The following PCM1 variants were observed in gnomAD, a reference collection of about 807,000 sequenced individuals.
PCM1 encodes the protein pericentriolar material 1 protein.
In PCM1, 157 loss-of-function variants were observed where a neutral mutation model predicts 241.9. The ratio of observed to expected loss-of-function variants is 0.65; its 90% CI spans 0.57 to 0.74. PCM1 has a LOEUF of 0.74. Ranked by LOEUF, PCM1 falls within the 30% of genes least tolerant of loss-of-function variation. The pLI, the probability that PCM1 is intolerant of heterozygous loss-of-function variation, is 0.00. For missense variants in PCM1, 3,478 were observed against 2,360.1 expected, an observed-to-expected ratio of 1.47 and a Z score of -9.81; for synonymous variants, 1,085 against 784.9, an observed-to-expected ratio of 1.38 and a Z score of -6.39.
At chr8:17,968,177 C>A (rs894713480) in intron 21 of PCM1, among the ~76,000 whole-genome samples, 4 of 151,976 alleles carry the variant, frequency 2.6e-5, no homozygotes, top group Non-Finnish European at 5.9e-5. Flanking sequence ...TGAAATAGTA[C>A]ATCACTCAGG....
Position 17,985,436 on chromosome 8 carries a change from A to G in PCM1, c.4109-11A>G. On this transcript the variant is annotated splice_polypyrimidine_tract_variant and intron_variant, in intron 24 of 38. Coordinates refer to ENST00000325083, the MANE Select transcript of PCM1 (RefSeq NM_006197.4). The stretch of plus-strand genomic sequence containing the variant: ...ATCAATATTAACTTTCTGGTCTTTT[A>G]TGTATTCCAGAAACTGGGAGTGATT... The G allele has an allele frequency of 6.5e-7, 1 of 1,539,942 alleles. No individual in the cohort carries two copies. The highest frequency in any genetic ancestry group is 8.8e-7 in the Non-Finnish European group (1 of 1,139,750).
At chr8:17,960,234 G>A in intron 14 of PCM1, 69 bp downstream of exon 14, 1 of 1,555,174 alleles carries the variant, frequency 6.4e-7, no homozygotes, top group Non-Finnish European at 8.8e-7. Context: ...AAGGTGCTCA[G>A]CTAGGTACTG....
At chr8:17,928,250 G>A (rs933450214) in intron 2 of PCM1, among the ~76,000 whole-genome samples, 1 of 152,172 alleles carries the variant, frequency 6.6e-6, no homozygotes, top group Non-Finnish European at 1.5e-5. Context: ...AAAAATATCT[G>A]TAGTATGTGT....
intron 6 of PCM1, among the ~76,000 whole-genome samples, chr8:17,946,283 G>C (rs370100763): frequency 6.6e-6 from 1 of 151,978 alleles, no homozygotes; most frequent in African/African-American, 2.4e-5. Context: ...TAATTTAAGA[G>C]GAAAATAATG....
intron 7 of PCM1, among the ~76,000 whole-genome samples, chr8:17,948,960 T>C (rs937957620): frequency 1.3e-5 from 2 of 152,196 alleles, no homozygotes; most frequent in Non-Finnish European, 2.9e-5. Flanking sequence ...GAAGGAACTC[T>C]ACAGAGTTTG....
At chr8:17,948,848 C>T (rs2064902783) in intron 7 of PCM1, among the ~76,000 whole-genome samples, 1 of 152,092 alleles carries the variant, frequency 6.6e-6, no homozygotes, top group African/African-American at 2.4e-5. Flanking sequence ...TAAAAGCTTT[C>T]CTTTGGTAGT....
At chr8:17,985,070 A>C (rs1564168995) in intron 24 of PCM1, among the ~76,000 whole-genome samples, 1 of 151,952 alleles carries the variant, frequency 6.6e-6, no homozygotes, top group Non-Finnish European at 1.5e-5. Flanking sequence ...AATGAAGTCC[A>C]TATTAGCAAA....
At chr8:17,928,618 T>TA (rs1563585194) in intron 2 of PCM1, among the ~76,000 whole-genome samples, 2 of 26,210 alleles carry the variant, frequency 7.6e-5, no homozygotes, top group African/African-American at 4.0e-4. Flanking sequence ...ATCTCCCTCT[T>TA]TTTTTTTTTT....
At chr8:17,931,171 CTTATT>C (rs903316102) in intron 2 of PCM1, among the ~76,000 whole-genome samples, 1 of 152,084 alleles carries the variant, frequency 6.6e-6, no homozygotes. Flanking sequence ...GTTTTAGAAA[CTTATT>C]TTAGTAGTGT....
intron 6 of PCM1, chr8:17,940,097 G>A (rs2061581681): frequency 6.3e-7 from 1 of 1,580,444 alleles, no homozygotes; most frequent in African/African-American, 1.3e-5. Flanking sequence ...GTGGGATCTG[G>A]TTCTGTAGCT....
rs1369193865 is a variant in PCM1 at position 18,002,063 on chromosome 8, T to C, written c.4828-4200T>C. Among the ~76,000 whole-genome samples the C allele has an allele frequency of 6.2e-5, 2 of 32,262 alleles. 1 individual carries two copies. The highest frequency in any genetic ancestry group is 5.5e-4 in the African/African-American group (2 of 3,634). The allele number at this position is 32,262 out of a possible 152,430, so 21.2% of individuals were successfully genotyped here. ...GGAGAGATCTGTTAAATTTTTTTTTTCTTTTTTTTTTTTTCTTTTTTTTAT... is the reference window on the plus strand; with the variant it reads ...GGAGAGATCTGTTAAATTTTTTTTTCCTTTTTTTTTTTTTCTTTTTTTTAT... On this transcript the variant is annotated intron_variant, in intron 29 of 38. Transcript: ENST00000325083.
intron 29 of PCM1, 80 bp from the exon 30 acceptor site, chr8:18,006,183 C>T: frequency 2.7e-6 from 3 of 1,100,126 alleles, no homozygotes; most frequent in Non-Finnish European, 3.7e-6. Context: ...TAAAAATTAA[C>T]ATTTTGTATT....
chr8:17,973,818 G>T (rs924236337), intron 23 of PCM1, among the ~76,000 whole-genome samples: 3 of 152,078 alleles, frequency 2.0e-5, no homozygotes, highest in African/African-American at 7.2e-5. Context: ...TTTCTTGGAA[G>T]TTCACAACAC....
At chr8:17,990,510 A>G (rs1374867738) in intron 27 of PCM1, among the ~76,000 whole-genome samples, 1 of 145,502 alleles carries the variant, frequency 6.9e-6, no homozygotes, top group Non-Finnish European at 1.5e-5. Context: ...CCCCTCTCCC[A>G]TCAGCTGTAA....
Position 17,963,197 on chromosome 8 carries a change from C to A in PCM1, c.2560C>A (p.Gln854Lys). The A allele has an allele frequency of 6.2e-7, 1 of 1,613,436 alleles. No homozygotes were observed. The highest frequency in any genetic ancestry group is 8.5e-7 in the Non-Finnish European group (1 of 1,179,496). The change falls in exon 17 of 39, where the codon CAA becomes AAA. Residue 854 changes from glutamine to lysine, a missense_variant. Gln to Lys is a moderately conservative substitution (Grantham distance 53). Coordinates refer to ENST00000325083, the MANE Select transcript of PCM1 (RefSeq NM_006197.4). ...TCTGATGGCTGAACATCAGAGGAGG[C>A]AAGGTCTAGCTGAAACTGCATCTCC... ...EALMAEHQRR[Q>K]GLAETASPVA...
chr8:17,963,477 G>A (rs531830781), intron 17 of PCM1, among the ~76,000 whole-genome samples, 186 bp downstream of exon 17: 18 of 152,230 alleles, frequency 1.2e-4, no homozygotes, highest in East Asian at 9.6e-4. Flanking sequence ...CTGACTTCTC[G>A]TAGCATCAGC....
At position 17,972,545 on chromosome 8, in the gene PCM1, A is replaced by G. The variant is rs1465906412; in HGVS notation, c.3801A>G (p.Pro1267=). 8 of 1,613,888 alleles carry G rather than the reference A, an allele frequency of 5.0e-6. No homozygotes were observed. In the South Asian group the frequency reaches 8.8e-5, roughly 18 times the overall value. ...SLESFSSMPD[P]VDPTTVTKTF... ...AAAGCTTTAGCAGTATGCCTGATCCAGTAGATCCAACAACAGTGACTAAAA... is the reference window on the plus strand; with the variant it reads ...AAAGCTTTAGCAGTATGCCTGATCCGGTAGATCCAACAACAGTGACTAAAA... Residue 1267 remains proline (P), a synonymous_variant, in exon 23 of 39, where the codon CCA becomes CCG. Transcript: ENST00000325083.
rs2082287499 is a variant in PCM1 at position 17,985,466 on chromosome 8, C to T, written c.4128C>T (p.Ser1376=). The part of the protein sequence containing the change: ...EISSETGSDF[S]MFEALRDTIY... Reference sequence around the variant, plus strand: ...TTCCAGAAACTGGGAGTGATTTTTCCATGTTTGAAGCTTTGCGAGATACTA... The same window carrying T: ...TTCCAGAAACTGGGAGTGATTTTTCTATGTTTGAAGCTTTGCGAGATACTA... The change falls in exon 25 of 39, where the codon TCC becomes TCT. Residue 1376 remains serine, a synonymous_variant. Coordinates refer to ENST00000325083, the MANE Select transcript of PCM1 (RefSeq NM_006197.4). The T allele has an allele frequency of 1.3e-6, 2 of 1,553,882 alleles. No individual in the cohort carries two copies. The highest frequency in any genetic ancestry group is 1.7e-6 in the Non-Finnish European group (2 of 1,147,698).
intron 9 of PCM1, 61 bp from the exon 10 acceptor site, chr8:17,955,405 CTGTA>C: frequency 1.8e-6 from 2 of 1,094,802 alleles, no homozygotes; most frequent in Non-Finnish European, 2.6e-6. Context: ...TCCAAGCCAA[CTGTA>C]TGTGTTTGTT....
Sources: gnomAD v4.1 joint callset for allele counts (sites outside exome capture counted in the v4.1 genomes callset) on GRCh38, gnomAD v4.1.1 for gene constraint, MANE v1.5 for transcripts, NCBI Gene and HGNC (gene_info 2026-07-23, HGNC 2026-07-21) for gene names.